The following TNRC6A variants were observed in gnomAD, a reference collection of about 807,000 sequenced individuals.
The protein encoded by TNRC6A is trinucleotide repeat containing adaptor 6A.
TNRC6A carries 44 observed loss-of-function variants against 221.2 expected under a neutral mutation model. The observed-to-expected ratio is 0.20, with a 90% confidence interval of 0.16 to 0.26. The LOEUF (loss-of-function observed/expected upper bound fraction) is 0.26, where lower values mean the gene tolerates loss of function less well. Among genes scored for constraint, TNRC6A ranks in the 10% least tolerant of loss-of-function variants. TNRC6A has a pLI of 1.00. For synonymous variants in TNRC6A, 847 were observed against 838.5 expected (o/e 1.01, Z -0.18); for missense variants, 2,199 against 2,404.4 (o/e 0.91, Z 1.79).
intron 2 of TNRC6A, among the ~76,000 whole-genome samples, chr16:24,711,526 TTCTA>T (rs2056205731): frequency 6.6e-6 from 1 of 152,214 alleles, no homozygotes; most frequent in Non-Finnish European, 1.5e-5. Context: ...CTGACATTCT[TTCTA>T]TGACTATAGA....
chr16:24,709,950 G>T (rs2056172998), intron 2 of TNRC6A, among the ~76,000 whole-genome samples: 1 of 151,798 alleles, frequency 6.6e-6, no homozygotes, highest in African/African-American at 2.4e-5. Flanking sequence ...TAAATATGCT[G>T]GGCGCAGTGG....
intron 1 of TNRC6A, among the ~76,000 whole-genome samples, chr16:24,623,993 G>A (rs1249927352): frequency 6.6e-6 from 1 of 151,596 alleles, no homozygotes; most frequent in Non-Finnish European, 1.5e-5. Context: ...TTAGCACTGG[G>A]CTCTATGCAA....
intron 2 of TNRC6A, among the ~76,000 whole-genome samples, chr16:24,714,302 C>CTTTTTTTTTTT (rs60469088): frequency 7.0e-5 from 5 of 71,294 alleles, no homozygotes; most frequent in African/African-American, 1.8e-4. Context: ...TGCTGTTAAT[C>CTTTTTTTTTTT]TTTTTTTTTT....
chr16:24,749,182 G>A (rs1047203720), intron 2 of TNRC6A, among the ~76,000 whole-genome samples: 4 of 152,210 alleles, frequency 2.6e-5, no homozygotes, highest in Admixed American at 1.3e-4. Flanking sequence ...ACTTTAGGGT[G>A]ATGACTACAG....
chr16:24,614,996 C>T (rs1241874648), intron 1 of TNRC6A, among the ~76,000 whole-genome samples: 2 of 152,042 alleles, frequency 1.3e-5, no homozygotes, highest in Non-Finnish European at 2.9e-5. Flanking sequence ...ACCCAGGAGG[C>T]GGAGGTTGCA....
chr16:24,777,339 G>C lies in TNRC6A; in HGVS notation c.570G>C (p.Gln190His), dbSNP rs749183774. The C allele has an allele frequency of 8.1e-6, 13 of 1,610,580 alleles. No individual in the cohort carries two copies. The highest frequency in any genetic ancestry group is 1.3e-5 in the African/African-American group (1 of 75,042). Reference sequence around the variant, plus strand: ...AGCCACAAAATAACGGAGAGGTGCAGAACAGCAAAAACCAGTCAGGTGAGA... The same window carrying C: ...AGCCACAAAATAACGGAGAGGTGCACAACAGCAAAAACCAGTCAGGTGAGA... ...NQQPQNNGEV[Q>H]NSKNQSDINH... Residue 190 changes from glutamine (Q) to histidine (H), a missense_variant, in exon 5 of 25, where the codon CAG becomes CAC. By Grantham distance (24) the Gln-to-His change is conservative (BLOSUM62 0). Transcript: ENST00000395799.
chr16:24,804,957 A>G (rs565036658), intron 13 of TNRC6A, 57 bp from the exon 14 acceptor site: 8 of 1,614,008 alleles, frequency 5.0e-6, no homozygotes, highest in Non-Finnish European at 6.8e-6. Context: ...CAGTGTGGTA[A>G]TGAGATGTTT....
At chr16:24,704,664 C>CA (rs58926085) in intron 2 of TNRC6A, among the ~76,000 whole-genome samples, 2,542 of 69,254 alleles carry the variant, frequency 0.037, 199 homozygotes, top group Non-Finnish European at 0.048. Context: ...GACTCCGTCT[C>CA]AAAAAAAAAA....
intron 4 of TNRC6A, among the ~76,000 whole-genome samples, chr16:24,761,074 A>G (rs1319770205): frequency 6.6e-6 from 1 of 152,198 alleles, no homozygotes; most frequent in Non-Finnish European, 1.5e-5. Context: ...TGCTTCTCTT[A>G]CAGTTCATAA....
At chr16:24,810,363 T>C (rs912932206) in intron 18 of TNRC6A, among the ~76,000 whole-genome samples, 2 of 152,054 alleles carry the variant, frequency 1.3e-5, no homozygotes, top group African/African-American at 4.8e-5. Flanking sequence ...TACAGTTGAA[T>C]GTATGTATGT....
chr16:24,744,309 G>T (rs989680240), intron 2 of TNRC6A, among the ~76,000 whole-genome samples: 2 of 152,136 alleles, frequency 1.3e-5, no homozygotes, highest in South Asian at 4.1e-4. Context: ...TGCAAAGTTA[G>T]TATTTTTCCC....
intron 2 of TNRC6A, among the ~76,000 whole-genome samples, chr16:24,737,593 A>G (rs779600605): frequency 2.0e-5 from 3 of 152,156 alleles, no homozygotes; most frequent in Non-Finnish European, 4.4e-5. Flanking sequence ...ACAGATTGAA[A>G]CCTGGTTGAA....
chr16:24,790,703 T>C lies in TNRC6A; in HGVS notation c.2061T>C (p.Thr687=), dbSNP rs750683456. 2 of 1,614,136 alleles carry C rather than the reference T, an allele frequency of 1.2e-6. No homozygotes were observed. The highest frequency in any genetic ancestry group is 1.7e-5 in the Admixed American group (1 of 60,014). The change falls in exon 6 of 25, where the codon ACT becomes ACC. Residue 687 remains threonine, a synonymous_variant. Coordinates refer to ENST00000395799, the MANE Select transcript of TNRC6A (RefSeq NM_014494.4). The part of the protein sequence containing the change: ...ESTGRLEEKG[T]GESQSRDRRK... ...CTGGACGCCTTGAGGAAAAAGGAAC[T>C]GGGGAAAGTCAGAGTAGAGACAGAA...
chr16:24,747,494 AG>A (rs1481207608), intron 2 of TNRC6A, among the ~76,000 whole-genome samples: 1 of 152,160 alleles, frequency 6.6e-6, no homozygotes, highest in Non-Finnish European at 1.5e-5. Context: ...TGCATCAAAC[AG>A]GGTGGCCCAC....
chr16:24,810,628 G>C (rs1328556621), intron 18 of TNRC6A, among the ~76,000 whole-genome samples: 2 of 152,186 alleles, frequency 1.3e-5, no homozygotes, highest in Non-Finnish European at 2.9e-5. Context: ...AGTGCATGCA[G>C]GGTTCAAAGA....
At chr16:24,819,474 T>C (rs999572676) in intron 21 of TNRC6A, 1 of 151,922 alleles carries the variant, frequency 6.6e-6, no homozygotes, top group Non-Finnish European at 1.5e-5. Flanking sequence ...TTCCTTCCTT[T>C]CCTTTCCTTT....
chr16:24,713,465 T>C (rs1163083478), intron 2 of TNRC6A, among the ~76,000 whole-genome samples: 2 of 151,686 alleles, frequency 1.3e-5, no homozygotes, highest in Non-Finnish European at 2.9e-5. Flanking sequence ...AATATATATA[T>C]ATATATGTTA....
chr16:24,721,479 G>A lies in TNRC6A; in HGVS notation n.403-29247G>A, dbSNP rs527282449. Among the ~76,000 whole-genome samples the A allele has an allele frequency of 5.3e-5, 8 of 152,126 alleles. No homozygotes were observed. The East Asian group carries it at 1.4e-3, about 26-fold the overall frequency. On this transcript the variant is annotated intron_variant and non_coding_transcript_variant, in intron 2 of 2. Coordinates refer to the TNRC6A transcript ENST00000566108. ...AGCCCAGGAGTTTGAGACTAGCCTGGGCAACATGATGAAAACCTGTCTCTA... is the reference window on the plus strand; with the variant it reads ...AGCCCAGGAGTTTGAGACTAGCCTGAGCAACATGATGAAAACCTGTCTCTA...
intron 5 of TNRC6A, chr16:24,778,311 C>T (rs2057769313): frequency 1.0e-6 from 1 of 984,980 alleles, no homozygotes; most frequent in African/African-American, 1.7e-5. Flanking sequence ...AAGAACTACT[C>T]TGTACATTGT....
Sources: gnomAD v4.1 joint callset for allele counts (sites outside exome capture counted in the v4.1 genomes callset) on GRCh38, gnomAD v4.1.1 for gene constraint, MANE v1.5 for transcripts, NCBI Gene and HGNC (gene_info 2026-07-23, HGNC 2026-07-21) for gene names.